The following CNKSR2 variants were observed in gnomAD, a reference collection of about 807,000 sequenced individuals.
CNKSR2 encodes the protein CNK homolog protein 2.
A neutral mutation model predicts 84.4 loss-of-function variants in CNKSR2; 14 were observed. That is an observed-to-expected ratio of 0.17 (90% CI 0.11 to 0.26). CNKSR2 has a LOEUF of 0.26. Ranked by LOEUF, CNKSR2 falls within the 10% of genes least tolerant of loss-of-function variation. The probability of loss-of-function intolerance (pLI) is 1.00; values close to 1 mark genes in which losing one functional copy is unlikely to be tolerated. For synonymous variants in CNKSR2, 275 were observed against 277.9 expected (o/e 0.99, Z 0.10); for missense variants, 485 against 771.2 (o/e 0.63, Z 4.40).
At chrX:21,551,313 A>G (rs1410021604) in intron 11 of CNKSR2, among the ~76,000 whole-genome samples, 2 of 112,106 alleles carry the variant, frequency 1.8e-5, no homozygotes, top group Non-Finnish European at 1.9e-5. Context: ...GTGCATACCT[A>G]TGTAACAAAC....
intron 11 of CNKSR2, among the ~76,000 whole-genome samples, chrX:21,544,613 G>A (rs901400512): frequency 8.0e-5 from 9 of 111,838 alleles, no homozygotes; most frequent in African/African-American, 2.9e-4. Context: ...GGCCAAATAG[G>A]AACAGCTCCA....
chrX:21,434,844 A>G (rs887414007), intron 3 of CNKSR2, among the ~76,000 whole-genome samples: 4 of 109,170 alleles, frequency 3.7e-5, no homozygotes, highest in African/African-American at 6.6e-5. Flanking sequence ...GCTGAACTAG[A>G]TGCTTTATAC....
At chrX:21,642,122 T>C (rs2092693641) in intron 20 of CNKSR2, 1 of 745,960 alleles carries the variant, frequency 1.3e-6, no homozygotes, top group African/African-American at 2.3e-5. Flanking sequence ...ACGTGCTGTA[T>C]TGTACTAAAT....
chrX:21,459,484 T>C (rs2091034851), intron 4 of CNKSR2, among the ~76,000 whole-genome samples: 2 of 110,948 alleles, frequency 1.8e-5, no homozygotes, highest in African/African-American at 6.6e-5. Context: ...CCTTTCTTCA[T>C]ATTTGTCATG....
At chrX:21,438,289 C>G (rs945872019) in intron 3 of CNKSR2, among the ~76,000 whole-genome samples, 1 of 111,956 alleles carries the variant, frequency 8.9e-6, no homozygotes, top group East Asian at 2.8e-4. Flanking sequence ...TGTTCCATAT[C>G]TAAACCCAGA....
intron 5 of CNKSR2, among the ~76,000 whole-genome samples, chrX:21,480,725 C>T (rs1346901792): frequency 1.8e-5 from 2 of 111,756 alleles, no homozygotes; most frequent in Non-Finnish European, 3.8e-5. Flanking sequence ...AAAGTAGGCT[C>T]GAAGTGTCAT....
rs1315901602 is a variant in CNKSR2 at position 21,461,020 on chromosome X, C to T, written c.520-9746C>T. On this transcript the variant is annotated intron_variant, in intron 4 of 21. Transcript: ENST00000379510. ...GAAAGTGCAGATATCTTTTTAATAT[C>T]CTGATTTCCTTTCCTTGGGTATATA... is the stretch of plus-strand genomic sequence containing the variant. Among the ~76,000 whole-genome samples, 3 of 112,444 alleles carry T rather than the reference C, an allele frequency of 2.7e-5. No individual in the cohort carries two copies. The Admixed American group carries it at 2.8e-4, about 11-fold the overall frequency.
At chrX:21,423,762 T>C (rs369934341) in intron 1 of CNKSR2, 1 of 111,867 alleles carries the variant, frequency 8.9e-6, no homozygotes, top group East Asian at 2.8e-4. Flanking sequence ...CTGGGTACTC[T>C]ACACAGTATT....
chrX:21,641,429 T>C, intron 20 of CNKSR2: 1 of 959,544 alleles, frequency 1.0e-6, no homozygotes, highest in Non-Finnish European at 1.4e-6. Context: ...TTTCTCTTCA[T>C]GGGTATTGCA....
chrX:21,485,800 A>T (rs1231974176), intron 5 of CNKSR2, among the ~76,000 whole-genome samples: 1 of 111,875 alleles, frequency 8.9e-6, no homozygotes, highest in Non-Finnish European at 1.9e-5. Context: ...TTAGGTACAA[A>T]TTTTTCTTCT....
rs143249114 is a variant in CNKSR2 at position 21,648,915 on chromosome X, A to T, written c.2777A>T (p.Glu926Val). The T allele has an allele frequency of 4.7e-5, 56 of 1,195,354 alleles. No homozygotes were observed. The highest frequency in any genetic ancestry group is 6.2e-5 in the Non-Finnish European group (55 of 886,112). Residue 926 changes from glutamate to valine, a missense_variant, in exon 21 of 22, where the codon GAA (glutamate) becomes GTA (valine). Physicochemically the swap from Glu to Val is moderately radical, Grantham distance 121 (BLOSUM62 -2). Around this residue, in one of 5 missense-constraint regions of CNKSR2, gnomAD observed 210 missense variants for 291.5 expected, o/e 0.72. Coordinates refer to ENST00000379510, the MANE Select transcript of CNKSR2 (RefSeq NM_014927.5). ...CAGGCCAGTCTGTCACCACTAGGAG[A>T]ACATCGTATTTCAACCAAGATGGAA... ...LEQASLSPLG[E>V]HRISTKMEYK...
chrX:21,423,394 A>G (rs1325860887), intron 1 of CNKSR2: 1 of 111,941 alleles, frequency 8.9e-6, no homozygotes, highest in Non-Finnish European at 1.9e-5. Context: ...CATAAATAAT[A>G]GAAGGTATTA....
At chrX:21,528,018 C>T (rs1328609999) in intron 10 of CNKSR2, among the ~76,000 whole-genome samples, 1 of 110,431 alleles carries the variant, frequency 9.1e-6, no homozygotes, top group African/African-American at 3.3e-5. Flanking sequence ...GTGTTGTCAT[C>T]TAGTAATATA....
At chrX:21,601,890 A>G (rs938913356) in intron 18 of CNKSR2, among the ~76,000 whole-genome samples, 2 of 112,163 alleles carry the variant, frequency 1.8e-5, no homozygotes, top group African/African-American at 6.5e-5. Flanking sequence ...AGCTGTGGTC[A>G]TCGTTCTTAG....
At chrX:21,400,029 C>A (rs976225479) in intron 1 of CNKSR2, among the ~76,000 whole-genome samples, 10 of 110,645 alleles carry the variant, frequency 9.0e-5, no homozygotes, top group African/African-American at 3.0e-4. Context: ...ATTAGTACCA[C>A]CACCACCTAT....
At chrX:21,463,398 G>A (rs907095507) in intron 4 of CNKSR2, among the ~76,000 whole-genome samples, 1 of 110,920 alleles carries the variant, frequency 9.0e-6, no homozygotes, top group Non-Finnish European at 1.9e-5. Flanking sequence ...CATAGATTGA[G>A]TAGGATTGGT....
intron 1 of CNKSR2, among the ~76,000 whole-genome samples, chrX:21,392,950 C>T (rs1253959239): frequency 1.8e-5 from 2 of 109,487 alleles, no homozygotes; most frequent in Admixed American, 1.9e-4. Context: ...TTAAGATCTT[C>T]CTTGTTTTTT....
chrX:21,438,874 G>A (rs2147080966), intron 3 of CNKSR2, among the ~76,000 whole-genome samples: 1 of 110,738 alleles, frequency 9.0e-6, no homozygotes, highest in African/African-American at 3.3e-5. Context: ...ATATAAGTAG[G>A]TAAATCAAAA....
At chrX:21,570,913 C>A (rs1442041198) in intron 13 of CNKSR2, among the ~76,000 whole-genome samples, 1 of 112,454 alleles carries the variant, frequency 8.9e-6, no homozygotes, top group African/African-American at 3.2e-5. Flanking sequence ...CTCTCTCAGC[C>A]TTCATAGAAT....
Sources: gnomAD v4.1 joint callset for allele counts (sites outside exome capture counted in the v4.1 genomes callset) on GRCh38, gnomAD v4.1.1 for gene constraint, gnomAD v4.1.1 regional missense constraint, MANE v1.5 for transcripts, NCBI Gene and HGNC (gene_info 2026-07-23, HGNC 2026-07-21) for gene names.